The following LIN9 variants were observed in gnomAD, a reference collection of about 807,000 sequenced individuals.
LIN9 encodes the protein lin-9 DREAM MuvB core complex component.
A neutral mutation model predicts 78.0 loss-of-function variants in LIN9; 18 were observed. The ratio of observed to expected loss-of-function variants is 0.23; its 90% CI spans 0.16 to 0.34. LIN9 has a LOEUF of 0.34. Ranked by LOEUF, LIN9 falls within the 10% of genes least tolerant of loss-of-function variation. The pLI is 1.00. For missense variants in LIN9, 451 were observed against 644.1 expected (o/e 0.70, Z 3.25); for synonymous variants, 192 against 215.2 (o/e 0.89, Z 0.94).
At chr1:226,237,664 A>G (rs1657810104) in intron 12 of LIN9, among the ~76,000 whole-genome samples, 2 of 145,224 alleles carry the variant, frequency 1.4e-5, no homozygotes, top group Admixed American at 1.4e-4. Flanking sequence ...ATCTGGTATC[A>G]CAGCTGGGCA....
At chr1:226,267,181 C>T (rs1260969281) in intron 8 of LIN9, among the ~76,000 whole-genome samples, 2 of 150,552 alleles carry the variant, frequency 1.3e-5, no homozygotes, top group African/African-American at 4.9e-5. Flanking sequence ...TTTTCTTTCT[C>T]TCCTATTGCG....
chr1:226,304,687 G>A (rs548617960), intron 1 of LIN9, among the ~76,000 whole-genome samples: 3 of 152,126 alleles, frequency 2.0e-5, no homozygotes, highest in Non-Finnish European at 4.4e-5. Context: ...AGAAGAAACA[G>A]GTTAAGTCCT....
chr1:226,283,944 A>G (rs1226684589), intron 6 of LIN9, among the ~76,000 whole-genome samples: 1 of 150,916 alleles, frequency 6.6e-6, no homozygotes, highest in Non-Finnish European at 1.5e-5. Context: ...TCCCATCTCA[A>G]AAAAAAAAGA....
At chr1:226,292,420 A>G (rs947957203) in intron 4 of LIN9, among the ~76,000 whole-genome samples, 1 of 152,054 alleles carries the variant, frequency 6.6e-6, no homozygotes, top group Non-Finnish European at 1.5e-5. Flanking sequence ...TTAGCCTCCC[A>G]AAGTGCTACA....
intron 4 of LIN9, among the ~76,000 whole-genome samples, chr1:226,289,080 A>G (rs1661559260): frequency 6.6e-6 from 1 of 152,140 alleles, no homozygotes; most frequent in African/African-American, 2.4e-5. Flanking sequence ...TACTAAAAAT[A>G]CAAAAATTAG....
rs374921023 is a variant in LIN9, at chr1:226,303,297, C to T, written c.32-2092G>A. On this transcript the variant is annotated intron_variant, in intron 1 of 14. Transcript: ENST00000681046. ...AACAGCAAGCAAAATAGTCAAAGTC[C>T]CTGCTCTCATGGAATGTACATTCTA... 2.6e-5 allele frequency among the ~76,000 whole-genome samples: 4 copies of T among 152,284 alleles called. No individual in the cohort carries two copies. In the East Asian group the frequency reaches 5.8e-4, roughly 22 times the overall value.
upstream of LIN9, chr1:226,309,209 G>T: frequency 6.9e-7 from 1 of 1,457,866 alleles, no homozygotes; most frequent in South Asian, 1.5e-5. Flanking sequence ...GACTGTCTTT[G>T]CGAGGGAGGT....
At chr1:226,234,259 G>A (rs1383276202) in intron 12 of LIN9, among the ~76,000 whole-genome samples, 3 of 152,214 alleles carry the variant, frequency 2.0e-5, no homozygotes, top group African/African-American at 7.2e-5. Context: ...TTTAGCATCT[G>A]TTGATGATTC....
chr1:226,237,613 CA>C (rs1657802887), intron 12 of LIN9, among the ~76,000 whole-genome samples: 1 of 103,596 alleles, frequency 9.7e-6, no homozygotes, highest in African/African-American at 3.7e-5. Context: ...GCCTGGGCAA[CA>C]AGGGCGAAAC....
At chr1:226,309,696 C>G (rs569347602), upstream of LIN9, 1 of 1,286,612 alleles carries the variant, frequency 7.8e-7, no homozygotes, top group Admixed American at 2.3e-5. Flanking sequence ...GCCGCAGCAG[C>G]CCCCTGCGCG....
At chr1:226,272,681 C>CT (rs746074125) in intron 7 of LIN9, among the ~76,000 whole-genome samples, 1 of 151,790 alleles carries the variant, frequency 6.6e-6, no homozygotes, top group Non-Finnish European at 1.5e-5. Context: ...TTGCTGGCTC[C>CT]TTGCTTCTAG....
chr1:226,286,555 A>G, intron 5 of LIN9, 97 bp from the exon 6 acceptor site: 2 of 694,298 alleles, frequency 2.9e-6, no homozygotes, highest in Non-Finnish European at 4.4e-6. Flanking sequence ...CTTCTACCCC[A>G]TATATATATA....
At chr1:226,274,517 A>G (rs961283167) in intron 7 of LIN9, among the ~76,000 whole-genome samples, 9 of 152,058 alleles carry the variant, frequency 5.9e-5, no homozygotes, top group Middle Eastern at 3.2e-3. Context: ...ATATTTTTGG[A>G]AAAATTTCAG....
rs1657325931 is a variant in LIN9 at position 226,231,477 on chromosome 1, C to G, written c.*1024G>C. ...ATTTATATTTTGAGTTTATAATATT[C>G]TATTAAAACGAAGAAAATTCCAAAT... On this transcript the variant is annotated 3_prime_UTR_variant, in exon 15 of 15. Coordinates refer to ENST00000681046, the MANE Select transcript of LIN9 (RefSeq NM_001366245.2). 1 of 152,416 alleles carries G rather than the reference C, an allele frequency of 6.6e-6. No individual in the cohort carries two copies. Among genetic ancestry groups the G allele is most frequent in the African/African-American group, 2.4e-5 (1 of 41,412 alleles). The allele number at this position is 152,416 out of a possible 1,614,324, so 9.4% of individuals were successfully genotyped here.
In LIN9 at chr1:226,279,126, G is replaced by A. The variant is rs370761074; in HGVS notation, c.525-1194C>T. On this transcript the variant is annotated intron_variant, in intron 6 of 14. Coordinates refer to ENST00000681046, the MANE Select transcript of LIN9 (RefSeq NM_001366245.2). The stretch of plus-strand genomic sequence containing the variant: ...CAGTGAGCCAAGATCGTGCCACTGC[G>A]CTCCAGCCTGGGCAACAGAGCGAGA... Among the ~76,000 whole-genome samples, 23 of 151,156 alleles carry A rather than the reference G, an allele frequency of 1.5e-4. No homozygotes were observed. The East Asian group carries it at 1.6e-3, about 10-fold the overall frequency.
intron 6 of LIN9, among the ~76,000 whole-genome samples, chr1:226,282,408 T>C (rs1006157269): frequency 3.9e-5 from 6 of 152,206 alleles, no homozygotes; most frequent in African/African-American, 1.4e-4. Flanking sequence ...TACCAAATTG[T>C]CCTCCACAGA....
At position 226,269,404 on chromosome 1, in the gene LIN9, G is replaced by C. The variant is rs144938459; in HGVS notation, c.683-1314C>G. Among the ~76,000 whole-genome samples the C allele has an allele frequency of 7.2e-3, 1,093 of 152,292 alleles. 23 individuals are homozygous for C. Among genetic ancestry groups the C allele is most frequent in the Non-Finnish European group, 5.3e-3 (362 of 68,022 alleles). ...GGTAATTCCTCTCCACAAAAAACAA[G>C]TACAAACCTGAATGAGATTGTGAAA... On this transcript the variant is annotated intron_variant, in intron 7 of 14. Coordinates refer to ENST00000681046, the MANE Select transcript of LIN9 (RefSeq NM_001366245.2).
chr1:226,276,005 G>T (rs1217716016), intron 7 of LIN9, among the ~76,000 whole-genome samples: 1 of 152,176 alleles, frequency 6.6e-6, no homozygotes, highest in Non-Finnish European at 1.5e-5. Flanking sequence ...TCCAGCCTGG[G>T]CAACAGAGCA....
intron 12 of LIN9, among the ~76,000 whole-genome samples, chr1:226,237,625 T>C (rs1317490105): frequency 1.0e-4 from 8 of 79,522 alleles, no homozygotes; most frequent in Admixed American, 3.1e-4. Flanking sequence ...AGGGCGAAAC[T>C]CTGTCTCAAA....
Sources: allele counts gnomAD v4.1 joint callset (sites outside exome capture counted in the v4.1 genomes callset), GRCh38; gene constraint gnomAD v4.1.1; transcripts MANE v1.5; gene names NCBI Gene and HGNC (gene_info 2026-07-23, HGNC 2026-07-21).